Variants in ZNF654 observed in about 807,000 individuals in gnomAD.
ZNF654 encodes the protein melanoma-associated antigen.
Under a neutral mutation model 95.3 loss-of-function variants are expected in ZNF654, and 19 were observed. The observed-to-expected ratio is 0.20, with a 90% CI of 0.14 to 0.29. The LOEUF is 0.29. Ranked by LOEUF, ZNF654 falls within the 10% of genes least tolerant of loss-of-function variation. The pLI, the probability that ZNF654 is intolerant of heterozygous loss-of-function variation, is 1.00. For missense variants in ZNF654, 1,046 were observed against 1,341.0 expected (o/e 0.78, Z 3.44); for synonymous variants, 413 against 457.9 (o/e 0.90, Z 1.25).
At position 88,141,856 on chromosome 3, in the gene ZNF654, A is replaced by C. The variant is rs998573496; in HGVS notation, c.*204A>C. The C allele has an allele frequency of 5.1e-5, 21 of 408,550 alleles. No individual in the cohort carries two copies. Among genetic ancestry groups the C allele is most frequent in the African/African-American group, 4.1e-4 (20 of 48,972 alleles). The allele number at this position is 408,550 out of a possible 1,614,324, so 25.3% of individuals were successfully genotyped here. On this transcript the variant is annotated 3_prime_UTR_variant, in exon 9 of 9. Coordinates refer to ENST00000636215, the MANE Select transcript of ZNF654 (RefSeq NM_001350134.2). ...ACTCCAAAAGGATTATAAAACTCCC[A>C]AAGTACCAGTTTTCCAGAAAACCAC...
chr3:88,068,655 A>G (rs1707334449), intron 1 of ZNF654, among the ~76,000 whole-genome samples: 1 of 152,176 alleles, frequency 6.6e-6, no homozygotes, highest in Non-Finnish European at 1.5e-5. Flanking sequence ...TATGCTGTAT[A>G]TATGTATATA....
In ZNF654 at chr3:88,059,441, G is replaced by C. The variant is rs1576166018; in HGVS notation, c.122G>C (p.Gly41Ala). Residue 41 changes from glycine (G) to alanine (A), a missense_variant, in exon 1 of 9, where the codon GGC becomes GCC. By Grantham distance (60) the Gly-to-Ala change is moderately conservative (BLOSUM62 0). This residue lies in a region of ZNF654 where 89 missense variants were observed against 77.9 expected (regional missense o/e 1.14). Transcript: ENST00000636215. Reference sequence around the variant, plus strand: ...GCGGGCGACGGCAGAGGCGGCGCTGGCAGCGGCAACTGCGGCGGCGGCGTC... The same window carrying C: ...GCGGGCGACGGCAGAGGCGGCGCTGCCAGCGGCAACTGCGGCGGCGGCGTC... ...RAAGDGRGGA[G>A]SGNCGGGVGI... 2 of 1,522,900 alleles carry C rather than the reference G, an allele frequency of 1.3e-6. No individual in the cohort carries two copies. Among genetic ancestry groups the C allele is most frequent in the East Asian group, 2.5e-5 (1 of 40,334 alleles). 94.3% of individuals were successfully genotyped at this position (1,522,900 alleles called of 1,614,324 possible).
At chr3:88,107,643 A>G (rs1002767934) in intron 2 of ZNF654, among the ~76,000 whole-genome samples, 1 of 151,116 alleles carries the variant, frequency 6.6e-6, no homozygotes, top group Non-Finnish European at 1.5e-5. Context: ...GTGTTCCTTA[A>G]CTCTTGCTTC....
chr3:88,098,567 A>C (rs1704205601), intron 2 of ZNF654, among the ~76,000 whole-genome samples: 1 of 152,210 alleles, frequency 6.6e-6, no homozygotes, highest in South Asian at 2.1e-4. Context: ...ATGAACATTG[A>C]TGCAAAAATC....
In ZNF654 at chr3:88,112,630, A is replaced by G. The variant is rs1483303958; in HGVS notation, c.333-485A>G. Among the ~76,000 whole-genome samples the G allele has an allele frequency of 3.9e-5, 6 of 152,052 alleles. No individual in the cohort carries two copies. In the South Asian group the frequency reaches 6.2e-4, roughly 16 times the overall value. On this transcript the variant is annotated intron_variant, in intron 2 of 8. Coordinates refer to ENST00000636215, the MANE Select transcript of ZNF654 (RefSeq NM_001350134.2). ...TTAGATATGGTTGTTAGTATATGCT[A>G]TAATATAAATGTTGGCCGAGAGTTT...
chr3:88,066,574 ACAAAC>A (rs1159466352), intron 1 of ZNF654, among the ~76,000 whole-genome samples: 10 of 152,038 alleles, frequency 6.6e-5, no homozygotes, highest in South Asian at 4.2e-4. Flanking sequence ...AAACAAACAA[ACAAAC>A]AAAAAAAACA....
At chr3:88,131,401 T>C in intron 6 of ZNF654, among the ~76,000 whole-genome samples, 1 of 152,212 alleles carries the variant, frequency 6.6e-6, no homozygotes, top group East Asian at 1.9e-4. Context: ...TAATAGATCT[T>C]TTCCTATGGG....
Position 88,100,369 on chromosome 3 carries a change from T to C in ZNF654, c.333-12746T>C, listed in dbSNP as rs570515319. Among the ~76,000 whole-genome samples, 443 of 152,286 alleles carry C rather than the reference T, an allele frequency of 2.9e-3. 6 individuals carry two copies. Among genetic ancestry groups the C allele is most frequent in the African/African-American group, 0.01 (436 of 41,568 alleles). ...GAGAAATAGGAACACTTTTACACTGTTGGTGGGACTGTAAACTAGTTCAAC... is the reference window on the plus strand; with the variant it reads ...GAGAAATAGGAACACTTTTACACTGCTGGTGGGACTGTAAACTAGTTCAAC... On this transcript the variant is annotated intron_variant, in intron 2 of 8. Transcript: ENST00000636215.
At chr3:88,061,946 A>G (rs1010684387) in intron 1 of ZNF654, among the ~76,000 whole-genome samples, 11 of 152,164 alleles carry the variant, frequency 7.2e-5, no homozygotes, top group African/African-American at 2.7e-4. Flanking sequence ...TCCTCTTTTT[A>G]GAGGGAAATA....
Position 88,059,264 on chromosome 3 carries a change from A to G in ZNF654, c.-56A>G, listed in dbSNP as rs1388263665. On this transcript the variant is annotated 5_prime_UTR_variant, in exon 1 of 9. Transcript: ENST00000636215. ...AGAGGAGGAGGAGGTTAGCCTAGGC[A>G]TCTACGGCGGCGGCGGCGGCGCAGG... 6 of 1,531,820 alleles carry G rather than the reference A, an allele frequency of 3.9e-6. No homozygotes were observed. The highest frequency in any genetic ancestry group is 1.2e-5 in the South Asian group (1 of 83,758). The allele number at this position is 1,531,820 out of a possible 1,614,324, so 94.9% of individuals were successfully genotyped here.
Position 88,128,806 on chromosome 3 carries a change from T to C in ZNF654, c.551-3T>C, listed in dbSNP as rs1456716840. 6.5e-7 allele frequency: 1 copy of C among 1,529,704 alleles called. No individual in the cohort carries two copies. The highest frequency in any genetic ancestry group is 8.8e-7 in the Non-Finnish European group (1 of 1,142,364). The allele number at this position is 1,529,704 out of a possible 1,614,324, so 94.8% of individuals were successfully genotyped here. A position where few individuals can be genotyped will look rare whatever the true frequency, so the allele number is the denominator to read the frequency against. On this transcript the variant is annotated splice_region_variant and splice_polypyrimidine_tract_variant and intron_variant, in intron 4 of 8. Coordinates refer to ENST00000636215, the MANE Select transcript of ZNF654 (RefSeq NM_001350134.2). The stretch of plus-strand genomic sequence containing the variant: ...AATAGAGTCTGTTTTCTTTTTAATA[T>C]AGTGAACAAATATTTAAGTTCTGAA...
In ZNF654 at chr3:88,144,130, A is replaced by G. The variant is rs1025322094; in HGVS notation, c.*2478A>G. The G allele has an allele frequency of 6.6e-6, 1 of 152,382 alleles. No homozygotes were observed. Among genetic ancestry groups the G allele is most frequent in the African/African-American group, 2.4e-5 (1 of 41,434 alleles). The allele number at this position is 152,382 out of a possible 1,614,324, so 9.4% of individuals were successfully genotyped here. The stretch of plus-strand genomic sequence containing the variant: ...TGTGTGTCAGTAAGGTGAAGAAAAT[A>G]GCAAATCTGAATTTTTGCTGCTCAG... On this transcript the variant is annotated 3_prime_UTR_variant, in exon 9 of 9. Coordinates refer to ENST00000636215, the MANE Select transcript of ZNF654 (RefSeq NM_001350134.2).
chr3:88,094,871 G>A (rs1040771524), intron 2 of ZNF654, among the ~76,000 whole-genome samples: 7 of 151,578 alleles, frequency 4.6e-5, no homozygotes, highest in Admixed American at 6.6e-5. Context: ...TTTTACTGTG[G>A]AATGAAGAAA....
intron 2 of ZNF654, among the ~76,000 whole-genome samples, chr3:88,108,637 G>T (rs188238497): frequency 1.3e-5 from 2 of 152,172 alleles, no homozygotes; most frequent in Admixed American, 1.3e-4. Flanking sequence ...TACGCTACCT[G>T]CCCATTAGTC....
intron 1 of ZNF654, among the ~76,000 whole-genome samples, chr3:88,059,820 C>T (rs1206055996): frequency 6.6e-6 from 1 of 152,146 alleles, no homozygotes; most frequent in Non-Finnish European, 1.5e-5. Context: ...ACCTTCCTGC[C>T]CGAGAGTCCC....
rs1211562678 is a variant in ZNF654, at chr3:88,144,518, GTTAAA to G, written c.*2870_*2874del. The stretch of plus-strand genomic sequence containing the variant: ...GGAAATTTGTGCTTCCTTGTTGAAT[GTTAAA>G]TTATTTTACTTTGCATTTTATAAGA... On this transcript the variant is annotated 3_prime_UTR_variant, in exon 9 of 9. Coordinates refer to ENST00000636215, the MANE Select transcript of ZNF654 (RefSeq NM_001350134.2). 3.3e-5 allele frequency: 5 copies of G among 152,394 alleles called. No individual in the cohort carries two copies. The highest frequency in any genetic ancestry group is 1.2e-4 in the African/African-American group (5 of 41,436). 9.4% of individuals were successfully genotyped at this position (152,394 alleles called of 1,614,324 possible). A position where few individuals can be genotyped will look rare whatever the true frequency, so the allele number is the denominator to read the frequency against.
At chr3:88,087,413 C>A in intron 2 of ZNF654, among the ~76,000 whole-genome samples, 1 of 152,114 alleles carries the variant, frequency 6.6e-6, no homozygotes, top group East Asian at 1.9e-4. Context: ...TAGAGAACTT[C>A]AAATTAAAGA....
chr3:88,088,713 A>G (rs943880040), intron 2 of ZNF654, among the ~76,000 whole-genome samples: 8 of 114,412 alleles, frequency 7.0e-5, no homozygotes, highest in Non-Finnish European at 1.3e-4. Flanking sequence ...TAGATTTGTA[A>G]GAGTGAGGCA....
At chr3:88,118,894 G>A (rs1705578703) in intron 3 of ZNF654, among the ~76,000 whole-genome samples, 2 of 151,296 alleles carry the variant, frequency 1.3e-5, no homozygotes, top group Non-Finnish European at 1.5e-5. Flanking sequence ...AACAGGTGCT[G>A]GAGAGGATGT....
Sources: gnomAD v4.1 joint callset for allele counts (sites outside exome capture counted in the v4.1 genomes callset) on GRCh38, gnomAD v4.1.1 for gene constraint, gnomAD v4.1.1 regional missense constraint, MANE v1.5 for transcripts, NCBI Gene and HGNC (gene_info 2026-07-23, HGNC 2026-07-21) for gene names.